The following AGBL4 variants were observed in gnomAD, a reference collection of about 807,000 sequenced individuals.
AGBL4 encodes cytosolic carboxypeptidase 6.
Under a neutral mutation model 66.4 loss-of-function variants are expected in AGBL4, and 58 were observed. That is an observed-to-expected ratio of 0.87 (90% CI 0.71 to 1.09). AGBL4 has a LOEUF of 1.09. Among genes scored for constraint, AGBL4 ranks in the 50% least tolerant of loss-of-function variants. AGBL4 has a pLI of 0.00. For synonymous variants in AGBL4, 234 were observed against 222.9 expected, an observed-to-expected ratio of 1.05 and a Z score of -0.44; for missense variants, 579 against 631.0, an observed-to-expected ratio of 0.92 and a Z score of 0.88.
At position 48,689,044 on chromosome 1, in the gene AGBL4, C is replaced by A. The variant is rs192788005; in HGVS notation, c.635-25803G>T. The stretch of plus-strand genomic sequence containing the variant: ...AAGAAGATCCATTGTGGTGAAACCC[C>A]GTCTCTACTAAAAATACAAAACTTA... On this transcript the variant is annotated intron_variant, in intron 6 of 13. Coordinates refer to ENST00000371839, the MANE Select transcript of AGBL4 (RefSeq NM_032785.4). 5.4e-3 allele frequency among the ~76,000 whole-genome samples: 816 copies of A among 151,450 alleles called. 3 individuals are homozygous for A. Among genetic ancestry groups the A allele is most frequent in the Non-Finnish European group, 8.2e-3 (557 of 67,842 alleles).
At chr1:49,382,503 A>T (rs1644641582) in intron 3 of AGBL4, among the ~76,000 whole-genome samples, 1 of 152,138 alleles carries the variant, frequency 6.6e-6, no homozygotes, top group Non-Finnish European at 1.5e-5. Context: ...TGGGAATAGA[A>T]GGAAGTTACC....
At chr1:49,208,870 T>C (rs1405442938) in intron 4 of AGBL4, among the ~76,000 whole-genome samples, 1 of 152,044 alleles carries the variant, frequency 6.6e-6, no homozygotes, top group African/African-American at 2.4e-5. Flanking sequence ...CACACATGCA[T>C]GTAGGCATGC....
Position 49,939,892 on chromosome 1 carries a change from A to C in AGBL4, c.34+83871T>G, listed in dbSNP as rs534493432. ...AAAGAGCTTCTGCACAGCAAAAGAA[A>C]CTACCATCAGAGTGAATAGGCAACC... On this transcript the variant is annotated intron_variant, in intron 1 of 13. Transcript: ENST00000371839. Among the ~76,000 whole-genome samples the C allele has an allele frequency of 5.3e-5, 8 of 152,344 alleles. No individual in the cohort carries two copies. The South Asian group carries it at 1.7e-3, about 32-fold the overall frequency.
intron 3 of AGBL4, among the ~76,000 whole-genome samples, chr1:49,339,374 T>C (rs1221592294): frequency 1.3e-5 from 2 of 152,132 alleles, no homozygotes; most frequent in African/African-American, 4.8e-5. Flanking sequence ...CCCTATACAA[T>C]GAGATAATGT....
At chr1:49,349,288 G>GA (rs1645700948) in intron 3 of AGBL4, among the ~76,000 whole-genome samples, 1 of 152,146 alleles carries the variant, frequency 6.6e-6, no homozygotes, top group African/African-American at 2.4e-5. Flanking sequence ...GAAATTATCT[G>GA]ATTTGCATCT....
At chr1:49,302,575 TTTTA>T (rs1644766198) in intron 3 of AGBL4, among the ~76,000 whole-genome samples, 1 of 148,274 alleles carries the variant, frequency 6.7e-6, no homozygotes, top group Non-Finnish European at 1.5e-5. Flanking sequence ...TTTATTTTAT[TTTTA>T]TTTATTTTAT....
At chr1:48,580,515 T>C (rs1337446207) in intron 11 of AGBL4, among the ~76,000 whole-genome samples, 1 of 152,194 alleles carries the variant, frequency 6.6e-6, no homozygotes, top group Non-Finnish European at 1.5e-5. Context: ...GGAGGGTTTT[T>C]ACTTAGAAGA....
chr1:48,535,680 C>T (rs1643958432), intron 12 of AGBL4, among the ~76,000 whole-genome samples: 1 of 152,144 alleles, frequency 6.6e-6, no homozygotes, highest in African/African-American at 2.4e-5. Context: ...ACCCTTTATC[C>T]CCTTTCTATT....
intron 3 of AGBL4, among the ~76,000 whole-genome samples, chr1:49,337,875 C>T (rs1228150556): frequency 1.3e-5 from 2 of 152,214 alleles, no homozygotes; most frequent in African/African-American, 4.8e-5. Context: ...GGTCCTATTT[C>T]AACCATTATT....
chr1:49,200,222 C>T (rs1647579468), intron 4 of AGBL4, among the ~76,000 whole-genome samples: 1 of 152,142 alleles, frequency 6.6e-6, no homozygotes. Context: ...TGTTTTCCCA[C>T]TTTCCCACTT....
intron 3 of AGBL4, among the ~76,000 whole-genome samples, chr1:49,527,902 A>C (rs1392787507): frequency 3.3e-5 from 5 of 152,124 alleles, no homozygotes; most frequent in African/African-American, 1.2e-4. Flanking sequence ...AGACTCCTCC[A>C]CACCTGATCC....
intron 5 of AGBL4, among the ~76,000 whole-genome samples, chr1:48,958,093 C>T (rs867686893): frequency 2.6e-5 from 4 of 151,910 alleles, no homozygotes; most frequent in Admixed American, 6.6e-5. Context: ...CTGCTGACCT[C>T]GTGATCCGCC....
intron 1 of AGBL4, among the ~76,000 whole-genome samples, chr1:49,923,513 A>G (rs539028775): frequency 1.2e-4 from 18 of 152,188 alleles, no homozygotes; most frequent in Non-Finnish European, 2.5e-4. Context: ...AACGATCAAC[A>G]GAGTAATCAG....
chr1:49,710,009 A>T (rs1261975837), intron 2 of AGBL4, among the ~76,000 whole-genome samples: 5 of 152,224 alleles, frequency 3.3e-5, no homozygotes, highest in Non-Finnish European at 5.9e-5. Flanking sequence ...AAATTAGTTC[A>T]ACCATTGTGG....
chr1:48,655,334 T>G (rs537984242), intron 7 of AGBL4, among the ~76,000 whole-genome samples: 1 of 152,344 alleles, frequency 6.6e-6, no homozygotes, highest in African/African-American at 2.4e-5. Flanking sequence ...TTTTCTTTTT[T>G]CTTTGTGGTG....
chr1:49,974,810 C>A (rs1010310260), intron 1 of AGBL4, among the ~76,000 whole-genome samples: 29 of 152,128 alleles, frequency 1.9e-4, no homozygotes, highest in African/African-American at 7.0e-4. Context: ...ATATCCACCT[C>A]CTCATTGAAT....
chr1:48,773,717 T>A (rs1644945251), intron 6 of AGBL4, among the ~76,000 whole-genome samples: 1 of 152,222 alleles, frequency 6.6e-6, no homozygotes, highest in Non-Finnish European at 1.5e-5. Flanking sequence ...GGCCTGGCAC[T>A]GGAAGACCTG....
intron 3 of AGBL4, among the ~76,000 whole-genome samples, chr1:49,664,189 C>A (rs975042118): frequency 3.3e-5 from 5 of 151,968 alleles, no homozygotes; most frequent in African/African-American, 1.2e-4. Flanking sequence ...AAAAGCACAA[C>A]ACATTATCTA....
chr1:49,740,183 T>C (rs565773308), intron 2 of AGBL4, among the ~76,000 whole-genome samples: 5 of 151,838 alleles, frequency 3.3e-5, no homozygotes, highest in African/African-American at 4.8e-5. Flanking sequence ...CACATAGGCT[T>C]AAAATAAAGG....
Sources: allele counts gnomAD v4.1 joint callset (sites outside exome capture counted in the v4.1 genomes callset), GRCh38; gene constraint gnomAD v4.1.1; transcripts MANE v1.5; gene names NCBI Gene and HGNC (gene_info 2026-07-23, HGNC 2026-07-21).